CTIF: variants seen among roughly 807,000 people sequenced by gnomAD.
CTIF encodes cap binding complex dependent translation initiation factor, also known as CBP80/20-dependent translation initiation factor.
A neutral mutation model predicts 66.0 loss-of-function variants in CTIF; 21 were observed. That is an observed-to-expected ratio of 0.32 (90% CI 0.23 to 0.46). CTIF has a LOEUF of 0.46. Ranked by LOEUF, CTIF falls within the 20% of genes least tolerant of loss-of-function variation. The pLI is 1.00. For synonymous variants in CTIF, 345 were observed against 326.4 expected (o/e 1.06, Z -0.62); for missense variants, 739 against 812.7 (o/e 0.91, Z 1.10).
rs545879181 is a variant in CTIF at position 48,595,647 on chromosome 18, G to A, written c.-28-23891G>A. The stretch of plus-strand genomic sequence containing the variant: ...TCTGTATGTTGCCCATGCTGGTCTC[G>A]AACTCCTGGACTCAAGCGATCCTCC... On this transcript the variant is annotated intron_variant, in intron 1 of 11. Transcript: ENST00000256413. Among the ~76,000 whole-genome samples the A allele has an allele frequency of 7.2e-5, 11 of 152,164 alleles. No homozygotes were observed. In the East Asian group the frequency reaches 1.7e-3, roughly 24 times the overall value.
intron 9 of CTIF, among the ~76,000 whole-genome samples, chr18:48,795,233 C>T (rs921059023): frequency 6.6e-6 from 1 of 152,110 alleles, no homozygotes; most frequent in African/African-American, 2.4e-5. Context: ...AGCATGGAGG[C>T]TGTCATTTCA....
In CTIF at chr18:48,655,371, G is replaced by A. The variant is rs1382891293; in HGVS notation, c.253-8381G>A. 2.0e-5 allele frequency among the ~76,000 whole-genome samples: 3 copies of A among 151,184 alleles called. No individual in the cohort carries two copies. The East Asian group carries it at 5.8e-4, about 29-fold the overall frequency. On this transcript the variant is annotated intron_variant, in intron 3 of 11. Coordinates refer to ENST00000256413, the MANE Select transcript of CTIF (RefSeq NM_014772.3). The stretch of plus-strand genomic sequence containing the variant: ...TGAATGAGGCCGCAGGAAGCAGAAA[G>A]CAGGTTGCAGGCTGAGAATCCTGTT...
chr18:48,577,355 C>A (rs556488650), intron 1 of CTIF, among the ~76,000 whole-genome samples: 1 of 152,158 alleles, frequency 6.6e-6, no homozygotes, highest in African/African-American at 2.4e-5. Context: ...TGCTGAGATG[C>A]GCCGTTCCTT....
chr18:48,658,740 G>A (rs146703914), intron 3 of CTIF, among the ~76,000 whole-genome samples: 5 of 152,198 alleles, frequency 3.3e-5, no homozygotes, highest in Non-Finnish European at 5.9e-5. Flanking sequence ...ATGCATATGC[G>A]GCCCTGTGGC....
intron 6 of CTIF, among the ~76,000 whole-genome samples, chr18:48,689,045 CAG>C (rs1342651635): frequency 9.9e-5 from 15 of 152,180 alleles, no homozygotes; most frequent in Non-Finnish European, 1.6e-4. Flanking sequence ...GGTGGGGGCA[CAG>C]AGAGGTGAGG....
chr18:48,838,621 A>G (rs1229479357), intron 10 of CTIF, among the ~76,000 whole-genome samples: 1 of 152,172 alleles, frequency 6.6e-6, no homozygotes, highest in Non-Finnish European at 1.5e-5. Context: ...ATTACTGCAC[A>G]ACCTTTGTCT....
intron 1 of CTIF, among the ~76,000 whole-genome samples, chr18:48,580,392 T>C (rs1330061879): frequency 6.6e-6 from 1 of 152,258 alleles, no homozygotes; most frequent in South Asian, 2.1e-4. Context: ...GTCTAGATAC[T>C]GCGCATTAGA....
intron 1 of CTIF, among the ~76,000 whole-genome samples, chr18:48,595,988 G>A (rs528201723): frequency 6.6e-6 from 1 of 152,126 alleles, no homozygotes; most frequent in African/African-American, 2.4e-5. Flanking sequence ...CAACAAGGTG[G>A]CAGTCATGGT....
intron 6 of CTIF, among the ~76,000 whole-genome samples, chr18:48,681,951 A>G (rs1045622105): frequency 6.6e-6 from 1 of 152,036 alleles, no homozygotes; most frequent in Non-Finnish European, 1.5e-5. Flanking sequence ...ACACCCGGCT[A>G]ATTTTTATGT....
intron 10 of CTIF, among the ~76,000 whole-genome samples, chr18:48,830,245 A>G (rs780204892): frequency 5.3e-4 from 80 of 151,822 alleles, no homozygotes; most frequent in African/African-American, 1.4e-3. Context: ...GCTCACTACA[A>G]CCTCCGCCTG....
intron 9 of CTIF, among the ~76,000 whole-genome samples, chr18:48,765,729 C>G (rs1909459073): frequency 6.6e-6 from 1 of 152,122 alleles, no homozygotes; most frequent in African/African-American, 2.4e-5. Context: ...CCCAGAAGCA[C>G]CATTCTCATG....
chr18:48,649,923 T>C (rs1598803672), intron 3 of CTIF, among the ~76,000 whole-genome samples: 1 of 152,310 alleles, frequency 6.6e-6, no homozygotes, highest in East Asian at 1.9e-4. Context: ...CAGAAAGGAA[T>C]AGCATCAACA....
chr18:48,812,010 TG>T (rs1285055936), intron 9 of CTIF, among the ~76,000 whole-genome samples: 1 of 152,242 alleles, frequency 6.6e-6, no homozygotes, highest in Admixed American at 6.5e-5. Flanking sequence ...TCCCCCAGGC[TG>T]GGGTGCAGTG....
chr18:48,666,813 C>T (rs980242973), intron 5 of CTIF, among the ~76,000 whole-genome samples: 3 of 152,236 alleles, frequency 2.0e-5, no homozygotes, highest in Admixed American at 1.3e-4. Context: ...GGAGGCCATG[C>T]TCCTTCCAGA....
chr18:48,658,063 C>A (rs2091273630), intron 3 of CTIF, among the ~76,000 whole-genome samples: 1 of 152,148 alleles, frequency 6.6e-6, no homozygotes, highest in Non-Finnish European at 1.5e-5. Context: ...TGCCTTCCTG[C>A]TTCTCTGACT....
At chr18:48,783,504 G>A (rs796094103) in intron 9 of CTIF, among the ~76,000 whole-genome samples, 5 of 152,252 alleles carry the variant, frequency 3.3e-5, no homozygotes, top group African/African-American at 1.2e-4. Flanking sequence ...AGAACAGCAC[G>A]GTTCACCTGG....
At chr18:48,835,833 A>G (rs1348179646) in intron 10 of CTIF, among the ~76,000 whole-genome samples, 1 of 109,252 alleles carries the variant, frequency 9.2e-6, no homozygotes, top group South Asian at 3.0e-4. Context: ...CAAGCCCCCC[A>G]CCTGCCCTCA....
intron 7 of CTIF, among the ~76,000 whole-genome samples, chr18:48,752,159 A>G (rs977721922): frequency 2.8e-4 from 43 of 152,190 alleles, no homozygotes; most frequent in Non-Finnish European, 1.5e-5. Flanking sequence ...AAAGACCTCA[A>G]TCTTGAATTG....
At chr18:48,722,775 G>A (rs1371247793) in intron 7 of CTIF, among the ~76,000 whole-genome samples, 2 of 151,664 alleles carry the variant, frequency 1.3e-5, no homozygotes, top group Admixed American at 6.6e-5. Flanking sequence ...TGTGCCCATC[G>A]GCGCTCACAG....
Sources: gnomAD v4.1 joint callset for allele counts (sites outside exome capture counted in the v4.1 genomes callset) on GRCh38, gnomAD v4.1.1 for gene constraint, MANE v1.5 for transcripts, NCBI Gene and HGNC (gene_info 2026-07-23, HGNC 2026-07-21) for gene names.